The following FMO5 variants were observed in gnomAD, a reference collection of about 807,000 sequenced individuals.
FMO5 encodes flavin containing dimethylaniline monoxygenase 5.
FMO5 carries 51 observed loss-of-function variants against 43.6 expected under a neutral mutation model. That is an observed-to-expected ratio of 1.17 (90% confidence interval 0.93 to 1.48). The LOEUF (loss-of-function observed/expected upper bound fraction) is 1.48, where lower values mean the gene tolerates loss of function less well. FMO5 is among the 40% of genes most tolerant of loss of function. The pLI, the probability that FMO5 is intolerant of heterozygous loss-of-function variation, is 0.00. For missense variants in FMO5, 644 were observed against 643.0 expected, an observed-to-expected ratio of 1.00 and a Z score of -0.02; for synonymous variants, 187 against 216.5, an observed-to-expected ratio of 0.86 and a Z score of 1.20.
At chr1:147,210,102 C>T (rs1553923473) in intron 5 of FMO5, 1 of 152,188 alleles carries the variant, frequency 6.6e-6, no homozygotes, top group Non-Finnish European at 1.5e-5. Flanking sequence ...AGTATTATTA[C>T]ACCCATGTTA....
chr1:147,212,527 T>C lies in FMO5; in HGVS notation c.496A>G (p.Lys166Glu), dbSNP rs58351438. 9.2e-3 allele frequency: 14,895 copies of C among 1,611,874 alleles called. 114 individuals carry two copies. Among genetic ancestry groups the C allele is most frequent in the Middle Eastern group, 0.013 (77 of 6,046 alleles). The stretch of plus-strand genomic sequence containing the variant: ...CTGTGGAAGTACTGCCCTTTGAACT[T>C]CTCAATTCCTGCAAGAGAAGGGAAA... Reference protein sequence around the residue: ...LPLESFPGIEKFKGQYFHSRD... With the variant: ...LPLESFPGIEEFKGQYFHSRD... Residue 166 changes from lysine to glutamate, a missense_variant, in exon 5 of 9, where the codon AAG (lysine) becomes GAG (glutamate). Lys to Glu is a moderately conservative substitution (Grantham distance 56). Transcript: ENST00000254090.
intron 6 of FMO5, 89 bp downstream of exon 6, chr1:147,208,763 G>T: frequency 6.5e-6 from 7 of 1,070,084 alleles, no homozygotes; most frequent in Non-Finnish European, 1.0e-5. Context: ...TAATGTATGG[G>T]TAGAGGTGGC....
intron 2 of FMO5, 142 bp from the exon 3 acceptor site, chr1:147,216,084 G>C: frequency 1.7e-6 from 1 of 601,674 alleles, no homozygotes; most frequent in South Asian, 2.1e-5. Context: ...CCCTTATGTA[G>C]TCCCTTCCCC....
intron 7 of FMO5, among the ~76,000 whole-genome samples, chr1:147,194,799 T>G (rs1378007477): frequency 6.6e-6 from 1 of 152,054 alleles, no homozygotes; most frequent in Non-Finnish European, 1.5e-5. Context: ...AATTCTGGGT[T>G]GAAAATTCTT....
At chr1:147,196,272 C>T (rs1356506504) in intron 7 of FMO5, among the ~76,000 whole-genome samples, 5 of 152,028 alleles carry the variant, frequency 3.3e-5, no homozygotes, top group Admixed American at 3.3e-4. Context: ...ACATTTTAGC[C>T]ATGGGAATTA....
chr1:147,223,284 C>G (rs2078325), intron 2 of FMO5, among the ~76,000 whole-genome samples: 61,864 of 151,984 alleles, frequency 0.41, 13,211 homozygotes, highest in East Asian at 0.69. Context: ...TGATGATACA[C>G]GTATGCAGGT....
At position 147,208,863 on chromosome 1, in the gene FMO5, C is replaced by T. The variant is rs1553923052; in HGVS notation, c.819G>A (p.Lys273=). 2 of 1,613,860 alleles carry T rather than the reference C, an allele frequency of 1.2e-6. No homozygotes were observed. Among genetic ancestry groups the T allele is most frequent in the East Asian group, 2.2e-5 (1 of 44,892 alleles). ...QRFDHEMFGL[K]PKHRALSQHP... is the part of the protein sequence containing the mutation. ...TCCTGGGAACATACCTGTGTTTAGG[C>T]TTCAGGCCAAACATTTCATGGTCAA... The change falls in exon 6 of 9, where the codon AAG becomes AAA. Residue 273 remains lysine, a synonymous_variant. Coordinates refer to ENST00000254090, the MANE Select transcript of FMO5 (RefSeq NM_001461.4).
intron 7 of FMO5, among the ~76,000 whole-genome samples, chr1:147,191,896 CT>C (rs1329159744): frequency 2.6e-5 from 4 of 152,212 alleles, no homozygotes; most frequent in African/African-American, 9.6e-5. Context: ...CAGTACCATG[CT>C]GTTTTGGTTA....
At chr1:147,226,139 C>T (rs1553927805), upstream of FMO5, among the ~76,000 whole-genome samples, 1 of 148,142 alleles carries the variant, frequency 6.8e-6, no homozygotes, top group Non-Finnish European at 1.5e-5. Context: ...TGCTTTTTCT[C>T]TCCTCCTGTC....
At chr1:147,209,111 C>T in intron 5 of FMO5, 60 bp from the exon 6 acceptor site, 1 of 1,435,272 alleles carries the variant, frequency 7.0e-7, no homozygotes, top group Admixed American at 1.8e-5. Flanking sequence ...TTCAAAAGCA[C>T]CCCCATTTTC....
rs2101969180 is a variant in FMO5 at position 147,213,353 on chromosome 1, T to G, written c.442A>C (p.Thr148Pro). The G allele has an allele frequency of 6.2e-7, 1 of 1,613,538 alleles. No individual in the cohort carries two copies. Among genetic ancestry groups the G allele is most frequent in the Non-Finnish European group, 8.5e-7 (1 of 1,179,730 alleles). The change falls in exon 4 of 9, where the codon ACT (threonine) becomes CCT (proline). Residue 148 changes from threonine (T) to proline (P), a missense_variant. By Grantham distance (38) the Thr-to-Pro change is conservative. Coordinates refer to ENST00000254090, the MANE Select transcript of FMO5 (RefSeq NM_001461.4). The stretch of plus-strand genomic sequence containing the variant: ...AGATGAGCATTGGTGTGATGGCCAG[T>G]GCAAACCATGACTCCATCAAAGACA... ...MNVFDGVMVCTGHHTNAHLPL... is the reference protein window; with the variant it reads ...MNVFDGVMVCPGHHTNAHLPL...
intron 7 of FMO5, among the ~76,000 whole-genome samples, chr1:147,200,777 T>C (rs1210263156): frequency 6.6e-6 from 1 of 152,200 alleles, no homozygotes; most frequent in Non-Finnish European, 1.5e-5. Context: ...AAGATAAAAC[T>C]ATTTTACTTC....
chr1:147,203,723 CT>C, intron 6 of FMO5: 1 of 1,530,528 alleles, frequency 6.5e-7, no homozygotes, highest in Non-Finnish European at 9.1e-7. Flanking sequence ...ACGTTTATCC[CT>C]TGTAAGAACT....
rs1553917282 is a variant in FMO5 at position 147,187,055 on chromosome 1, C to T, written c.1447G>A (p.Gly483Arg). The T allele has an allele frequency of 6.2e-7, 1 of 1,614,128 alleles. No homozygotes were observed. Among genetic ancestry groups the T allele is most frequent in the Admixed American group, 1.7e-5 (1 of 60,012 alleles). ...YRVQGPGKWD[G>R]ARKAILTTDD... is the part of the protein sequence containing the mutation. ...GTGGTGAGGATAGCTTTTCGAGCCC[C>T]ATCCCACTTTCCAGGGCCCTGTACA... Residue 483 changes from glycine to arginine, a missense_variant, in exon 9 of 9, where the codon GGG becomes AGG. Gly to Arg is a moderately radical substitution (Grantham distance 125, BLOSUM62 -2). Transcript: ENST00000254090.
chr1:147,187,946 A>G (rs1448789132), intron 8 of FMO5, among the ~76,000 whole-genome samples: 2 of 152,214 alleles, frequency 1.3e-5, no homozygotes, highest in Non-Finnish European at 2.9e-5. Flanking sequence ...ACTGTAGGAC[A>G]GAGAGGAAGA....
chr1:147,206,438 A>G (rs1394587011), intron 6 of FMO5, among the ~76,000 whole-genome samples: 1 of 152,248 alleles, frequency 6.6e-6, no homozygotes, highest in African/African-American at 2.4e-5. Context: ...ATTATAAATC[A>G]TGATGCTATA....
intron 4 of FMO5, among the ~76,000 whole-genome samples, chr1:147,212,840 C>T (rs1661309541): frequency 6.6e-6 from 1 of 152,014 alleles, no homozygotes; most frequent in Non-Finnish European, 1.5e-5. Context: ...ATCTTTTCAT[C>T]CCCTTAAATA....
At chr1:147,191,043 A>C (rs1369805875) in intron 7 of FMO5, among the ~76,000 whole-genome samples, 3 of 152,108 alleles carry the variant, frequency 2.0e-5, no homozygotes, top group Non-Finnish European at 4.4e-5. Context: ...ATAATATTCC[A>C]TGGTGTATAT....
chr1:147,186,881 G>C lies in FMO5; in HGVS notation c.*19C>G. The stretch of plus-strand genomic sequence containing the variant: ...AGATAAGCTTCCCAATGAAAAACAG[G>C]GCAGTGACAATAGGACAACTAGAAG... On this transcript the variant is annotated 3_prime_UTR_variant, in exon 9 of 9. Transcript: ENST00000254090. 6.3e-7 allele frequency: 1 copy of C among 1,595,504 alleles called. No individual in the cohort carries two copies. The highest frequency in any genetic ancestry group is 8.5e-7 in the Non-Finnish European group (1 of 1,170,560).
Sources: gnomAD v4.1 joint callset for allele counts (sites outside exome capture counted in the v4.1 genomes callset) on GRCh38, gnomAD v4.1.1 for gene constraint, MANE v1.5 for transcripts, NCBI Gene and HGNC (gene_info 2026-07-23, HGNC 2026-07-21) for gene names.